ALDH1L1: variants seen among roughly 807,000 people sequenced by gnomAD.
ALDH1L1 encodes aldehyde dehydrogenase 1 family member L1.
In ALDH1L1, 68 loss-of-function variants were observed where a neutral mutation model predicts 101.1. The ratio of observed to expected loss-of-function variants is 0.67; its 90% CI spans 0.55 to 0.82. The LOEUF is 0.82. ALDH1L1 is among the 40% of genes least tolerant of loss of function. The probability of loss-of-function intolerance (pLI) is 0.00; values close to 1 mark genes in which losing one functional copy is unlikely to be tolerated. For missense variants in ALDH1L1, 1,087 were observed against 1,172.7 expected (o/e 0.93, Z 1.07); for synonymous variants, 486 against 470.8 (o/e 1.03, Z -0.42).
chr3:126,112,755 G>T, intron 19 of ALDH1L1, 27 bp downstream of exon 19: 1 of 1,606,112 alleles, frequency 6.2e-7, no homozygotes, highest in South Asian at 1.1e-5. Flanking sequence ...TGAACCAGCC[G>T]CCCGCAGACC....
chr3:126,185,157 C>T (rs1271547106), upstream of ALDH1L1, among the ~76,000 whole-genome samples: 7 of 152,226 alleles, frequency 4.6e-5, no homozygotes, highest in East Asian at 1.3e-3. Context: ...GACCTGCAGA[C>T]ATAGATGGAA....
chr3:126,139,406 T>C (rs1006147668), intron 9 of ALDH1L1, among the ~76,000 whole-genome samples: 2 of 152,180 alleles, frequency 1.3e-5, no homozygotes, highest in Non-Finnish European at 2.9e-5. Context: ...ACAAGGAAGA[T>C]TCAATAATCC....
At chr3:126,120,717 CTG>C (rs2080063859) in intron 16 of ALDH1L1, among the ~76,000 whole-genome samples, 1 of 152,098 alleles carries the variant, frequency 6.6e-6, no homozygotes, top group South Asian at 2.1e-4. Context: ...TATAGGGACT[CTG>C]TACTTTCTGC....
At chr3:126,193,589 C>G (rs190329642) in intron 1 of ALDH1L1, among the ~76,000 whole-genome samples, 1 of 152,270 alleles carries the variant, frequency 6.6e-6, no homozygotes, top group East Asian at 1.9e-4. Flanking sequence ...TCCTCATGGT[C>G]CCATGTTTCT....
Position 126,125,705 on chromosome 3 carries a change from T to G in ALDH1L1, c.1711A>C (p.Ile571Leu). 1 of 1,575,836 alleles carries G rather than the reference T, an allele frequency of 6.3e-7. No homozygotes were observed. Among genetic ancestry groups the G allele is most frequent in the Non-Finnish European group, 8.6e-7 (1 of 1,159,134 alleles). Residue 571 changes from isoleucine to leucine, a missense_variant, in exon 15 of 23, where the codon ATC becomes CTC. Ile to Leu is a conservative substitution (Grantham distance 5). Coordinates refer to ENST00000393434, the MANE Select transcript of ALDH1L1 (RefSeq NM_012190.4). The part of the protein sequence containing the change: ...KEPVGVCGII[I>L]PWNYPLMMLS... ...ATCATCAGGGGATAGTTCCAGGGGA[T>G]GATGATGCCACAAACCCTGCCACAC...
chr3:126,161,598 C>T (rs1231533549), intron 1 of ALDH1L1, among the ~76,000 whole-genome samples: 1 of 152,194 alleles, frequency 6.6e-6, no homozygotes, highest in Non-Finnish European at 1.5e-5. Context: ...TAGAATGAAG[C>T]CTAGCTAATC....
In ALDH1L1 at chr3:126,135,434, C is replaced by T. The variant is rs758007289; in HGVS notation, c.1472+101G>A. On this transcript the variant is annotated intron_variant, in intron 12 of 22. Transcript: ENST00000393434. ...GTCCCATAGCCTCCCCAGGACCCAGCTCCTCCTGGCAGGTAAAAGGGCCTC... is the reference window on the plus strand; with the variant it reads ...GTCCCATAGCCTCCCCAGGACCCAGTTCCTCCTGGCAGGTAAAAGGGCCTC... 2.0e-6 allele frequency: 3 copies of T among 1,510,792 alleles called. No homozygotes were observed. The African/African-American group carries it at 4.2e-5, about 21-fold the overall frequency. 93.6% of individuals were successfully genotyped at this position (1,510,792 alleles called of 1,614,324 possible). A position where few individuals can be genotyped will look rare whatever the true frequency, so the allele number is the denominator to read the frequency against.
chr3:126,120,588 A>C (rs2080060143), intron 16 of ALDH1L1, among the ~76,000 whole-genome samples: 1 of 152,228 alleles, frequency 6.6e-6, no homozygotes, highest in Non-Finnish European at 1.5e-5. Flanking sequence ...AGTGACCCCT[A>C]AACTACGGAC....
At chr3:126,154,452 T>C in intron 6 of ALDH1L1, 102 bp downstream of exon 6, 1 of 1,209,074 alleles carries the variant, frequency 8.3e-7, no homozygotes, top group Non-Finnish European at 1.2e-6. Context: ...GCCAGGGCAG[T>C]AGCTATTTAT....
intron 1 of ALDH1L1, among the ~76,000 whole-genome samples, chr3:126,176,400 G>C (rs981330642): frequency 1.3e-5 from 2 of 152,178 alleles, no homozygotes; most frequent in South Asian, 2.1e-4. Flanking sequence ...AACGAAGTTA[G>C]AGGACCGATA....
chr3:126,153,370 C>T, intron 7 of ALDH1L1, 74 bp downstream of exon 7: 1 of 1,601,640 alleles, frequency 6.2e-7, no homozygotes, highest in Non-Finnish European at 8.5e-7. Flanking sequence ...TAGGGTCTTC[C>T]TGTGAGGCCT....
At chr3:126,162,504 T>G (rs569941789) in intron 1 of ALDH1L1, among the ~76,000 whole-genome samples, 14 of 152,346 alleles carry the variant, frequency 9.2e-5, no homozygotes, top group African/African-American at 3.1e-4. Context: ...TTGTCTGTTT[T>G]TTTCCATTGG....
intron 17 of ALDH1L1, chr3:126,115,420 G>A (rs545118895): frequency 1.8e-3 from 329 of 184,598 alleles, no homozygotes; most frequent in African/African-American, 7.0e-3. Context: ...CGGCTGCCTG[G>A]GAAGAAGAAA....
chr3:126,189,991 G>T (rs1204530887), intron 1 of ALDH1L1, among the ~76,000 whole-genome samples: 1 of 152,184 alleles, frequency 6.6e-6, no homozygotes, highest in Non-Finnish European at 1.5e-5. Flanking sequence ...CATTGTGTTT[G>T]CAATACCTTG....
At chr3:126,174,066 TTCAC>T (rs964771059) in intron 1 of ALDH1L1, among the ~76,000 whole-genome samples, 4 of 152,152 alleles carry the variant, frequency 2.6e-5, no homozygotes, top group African/African-American at 9.7e-5. Flanking sequence ...GGGGCGGAGT[TTCAC>T]TCTTGTTGCC....
chr3:126,139,357 T>G (rs79030991), intron 9 of ALDH1L1, among the ~76,000 whole-genome samples: 5,934 of 152,210 alleles, frequency 0.039, 376 homozygotes, highest in African/African-American at 0.13. Context: ...TTGCAAAAAA[T>G]AATTTGGAAA....
chr3:126,158,643 T>C lies in ALDH1L1; in HGVS notation c.128-4A>G, dbSNP rs1177357970. The C allele has an allele frequency of 2.5e-6, 4 of 1,607,394 alleles. No homozygotes were observed. The African/African-American group carries it at 5.3e-5, about 21-fold the overall frequency. ...CCATCCTTCTCAGCTTCCAGACCTGTGGGACGGTGGATAAGAAACTGGCCC... is the reference window on the plus strand; with the variant it reads ...CCATCCTTCTCAGCTTCCAGACCTGCGGGACGGTGGATAAGAAACTGGCCC... On this transcript the variant is annotated splice_region_variant and splice_polypyrimidine_tract_variant and intron_variant, in intron 2 of 22. Coordinates refer to ENST00000393434, the MANE Select transcript of ALDH1L1 (RefSeq NM_012190.4).
At chr3:126,110,360 C>T in intron 19 of ALDH1L1, 2 of 552,924 alleles carry the variant, frequency 3.6e-6, no homozygotes, top group Non-Finnish European at 3.2e-6. Context: ...TGGAGACATA[C>T]AGGGGTGTGG....
In ALDH1L1 at chr3:126,135,135, G is replaced by C. The variant is rs867638788; in HGVS notation, c.1472+400C>G. 139 of 161,716 alleles carry C rather than the reference G, an allele frequency of 8.6e-4. No homozygotes were observed. The Middle Eastern group carries it at 0.012, about 14-fold the overall frequency. The allele number at this position is 161,716 out of a possible 1,614,324, so 10.0% of individuals were successfully genotyped here. ...AGCCTGGCTGAGCAAGCAGAGACCAGGCCAGCCCTTCTCTGGCCCTTGCTG... is the reference window on the plus strand; with the variant it reads ...AGCCTGGCTGAGCAAGCAGAGACCACGCCAGCCCTTCTCTGGCCCTTGCTG... On this transcript the variant is annotated intron_variant, in intron 12 of 22. Transcript: ENST00000393434.
Sources: allele counts gnomAD v4.1 joint callset (sites outside exome capture counted in the v4.1 genomes callset), GRCh38; gene constraint gnomAD v4.1.1; transcripts MANE v1.5; gene names NCBI Gene and HGNC (gene_info 2026-07-23, HGNC 2026-07-21).